ZNF354C: variants seen among roughly 807,000 people sequenced by gnomAD.
ZNF354C encodes the protein zinc finger protein 354C, also known as KRAB-zinc finger protein synten.
A neutral mutation model predicts 12.4 loss-of-function variants in ZNF354C; 7 were observed. The observed-to-expected ratio is 0.56, with a 90% CI of 0.32 to 1.06. The LOEUF (loss-of-function observed/expected upper bound fraction) is 1.06, where lower values mean the gene tolerates loss of function less well. Among genes scored for constraint, ZNF354C ranks in the 50% least tolerant of loss-of-function variants. The pLI, the probability that ZNF354C is intolerant of heterozygous loss-of-function variation, is 0.04. For synonymous variants in ZNF354C, 202 were observed against 224.5 expected (o/e 0.90, Z 0.90); for missense variants, 609 against 658.0 (o/e 0.93, Z 0.81).
At chr5:179,062,133 C>T in intron 2 of ZNF354C, 38 bp downstream of exon 2, 1 of 1,613,332 alleles carries the variant, frequency 6.2e-7, no homozygotes, top group Admixed American at 1.7e-5. Flanking sequence ...CATCAGTTGG[C>T]TTCTGGATTC....
chr5:179,072,241 G>C (rs1025817486), intron 2 of ZNF354C, among the ~76,000 whole-genome samples: 1 of 151,822 alleles, frequency 6.6e-6, no homozygotes, highest in Non-Finnish European at 1.5e-5. Flanking sequence ...TGTGAAAAAA[G>C]TAATTCTAGA....
chr5:179,064,650 G>A (rs1177629390), intron 2 of ZNF354C, among the ~76,000 whole-genome samples: 1 of 150,446 alleles, frequency 6.6e-6, no homozygotes. Context: ...TCCTGACCTC[G>A]TGATCCACCT....
chr5:179,077,908 C>T (rs1411329768), intron 4 of ZNF354C, among the ~76,000 whole-genome samples: 7 of 150,676 alleles, frequency 4.6e-5, no homozygotes, highest in African/African-American at 9.8e-5. Flanking sequence ...CAGGCTCAAG[C>T]GATCCTTTCA....
Position 179,080,881 on chromosome 5 carries a change from T to A in ZNF354C, c.*784T>A, listed in dbSNP as rs1762218662. ...AAAGACTGTCAAGCACATACTTTGTTATCTGTTGCAGAAGGGATGTATTTG... is the reference window on the plus strand; with the variant it reads ...AAAGACTGTCAAGCACATACTTTGTAATCTGTTGCAGAAGGGATGTATTTG... On this transcript the variant is annotated 3_prime_UTR_variant, in exon 5 of 5. Coordinates refer to ENST00000315475, the MANE Select transcript of ZNF354C (RefSeq NM_014594.3). The A allele has an allele frequency of 6.6e-6, 1 of 152,216 alleles. No individual in the cohort carries two copies. The allele number at this position is 152,216 out of a possible 1,614,324, so 9.4% of individuals were successfully genotyped here. A position where few individuals can be genotyped will look rare whatever the true frequency, so the allele number is the denominator to read the frequency against.
At chr5:179,070,841 C>CTTTTTTTT (rs766817856) in intron 2 of ZNF354C, among the ~76,000 whole-genome samples, 14 of 75,462 alleles carry the variant, frequency 1.9e-4, no homozygotes, top group African/African-American at 2.8e-4. Flanking sequence ...CTTGATCGCT[C>CTTTTTTTT]TTTTTTTTTT....
At chr5:179,078,446 T>C (rs1290121674) in intron 4 of ZNF354C, among the ~76,000 whole-genome samples, 3 of 152,210 alleles carry the variant, frequency 2.0e-5, no homozygotes, top group Non-Finnish European at 4.4e-5. Context: ...TATATCCAGG[T>C]GGAATCGCTT....
rs1395542742 is a variant in ZNF354C at position 179,082,120 on chromosome 5, T to TA, written c.*2027dup. The TA allele has an allele frequency of 6.6e-6, 1 of 152,382 alleles. No homozygotes were observed. Among genetic ancestry groups the TA allele is most frequent in the African/African-American group, 2.4e-5 (1 of 41,460 alleles). 9.4% of individuals were successfully genotyped at this position (152,382 alleles called of 1,614,324 possible). Reference sequence around the variant, plus strand: ...AATTAAATCTGGCAAAAATCGATGGTAAAACCCATTAAGTGGAAAAAATTT... The same window carrying TA: ...AATTAAATCTGGCAAAAATCGATGGTAAAAACCCATTAAGTGGAAAAAATTT... On this transcript the variant is annotated 3_prime_UTR_variant, in exon 5 of 5. Transcript: ENST00000315475.
chr5:179,061,270 T>C (rs1345585670), intron 1 of ZNF354C, among the ~76,000 whole-genome samples: 1 of 152,126 alleles, frequency 6.6e-6, no homozygotes, highest in African/African-American at 2.4e-5. Context: ...CCAGGCAGCC[T>C]CTTCCCTTGC....
At position 179,079,024 on chromosome 5, in the gene ZNF354C, A is replaced by G. The variant is rs1489049216; in HGVS notation, c.592A>G (p.Lys198Glu). The change falls in exon 5 of 5, where the codon AAA becomes GAA. Residue 198 changes from lysine (K) to glutamate (E), a missense_variant. Coordinates refer to ENST00000315475, the MANE Select transcript of ZNF354C (RefSeq NM_014594.3). This position sits in a 1 kb window ranked among gnomAD's most constrained non-coding sequence, Gnocchi z 4.2. ...GTATTATACATTTGGGAAAGATTTT[A>G]AACAGAATTTTGATCTCATGAAATG... Reference protein sequence around the residue: ...NMYYTFGKDFKQNFDLMKCFQ... With the variant: ...NMYYTFGKDFEQNFDLMKCFQ... The G allele has an allele frequency of 8.7e-6, 14 of 1,613,008 alleles. No homozygotes were observed. Among genetic ancestry groups the G allele is most frequent in the Non-Finnish European group, 1.0e-5 (12 of 1,179,798 alleles).
chr5:179,077,003 T>C lies in ZNF354C; in HGVS notation c.155-68T>C. On this transcript the variant is annotated intron_variant, in intron 3 of 4. Coordinates refer to ENST00000315475, the MANE Select transcript of ZNF354C (RefSeq NM_014594.3). ...CTTTGCTGTGTTGGTTCAGAGTGAG[T>C]AGTAGGTCAGTTCTAGGATTGGTCT... The C allele has an allele frequency of 3.0e-6, 4 of 1,353,970 alleles. No individual in the cohort carries two copies. The South Asian group carries it at 3.7e-5, about 12-fold the overall frequency. 83.9% of individuals were successfully genotyped at this position (1,353,970 alleles called of 1,614,324 possible). A position where few individuals can be genotyped will look rare whatever the true frequency, so the allele number is the denominator to read the frequency against.
rs1447085476 is a variant in ZNF354C at position 179,082,825 on chromosome 5, G to C, written c.*2728G>C. On this transcript the variant is annotated 3_prime_UTR_variant, in exon 5 of 5. Transcript: ENST00000315475. ...AAGCGACTGACCAACCGATCAGGTC[G>C]AGGAGCTGCAACAGCCTTGGGGCCC... The C allele has an allele frequency of 1.5e-6, 2 of 1,302,018 alleles. No homozygotes were observed. The highest frequency in any genetic ancestry group is 2.4e-5 in the South Asian group (2 of 84,606). 80.7% of individuals were successfully genotyped at this position (1,302,018 alleles called of 1,614,324 possible). A position where few individuals can be genotyped will look rare whatever the true frequency, so the allele number is the denominator to read the frequency against.
chr5:179,078,270 A>G (rs1554120452), intron 4 of ZNF354C, among the ~76,000 whole-genome samples: 1 of 152,248 alleles, frequency 6.6e-6, no homozygotes, highest in Non-Finnish European at 1.5e-5. Flanking sequence ...CATGTGAGTA[A>G]GAAGGAGAAG....
At chr5:179,061,915 C>A in intron 1 of ZNF354C, 100 bp from the exon 2 acceptor site, 1 of 829,566 alleles carries the variant, frequency 1.2e-6, no homozygotes, top group Non-Finnish European at 2.1e-6. Flanking sequence ...CGGGGGGTGG[C>A]TTTTTTGAGA....
At chr5:179,065,075 TA>T (rs1353898201) in intron 2 of ZNF354C, among the ~76,000 whole-genome samples, 1 of 152,212 alleles carries the variant, frequency 6.6e-6, no homozygotes, top group Non-Finnish European at 1.5e-5. Context: ...GAATAATCTT[TA>T]TTTTTTTTAC....
chr5:179,081,519 T>G lies in ZNF354C; in HGVS notation c.*1422T>G, dbSNP rs2113130168. On this transcript the variant is annotated 3_prime_UTR_variant, in exon 5 of 5. Transcript: ENST00000315475. Reference sequence around the variant, plus strand: ...AATTCTAATACAATTAGCTAGACCTTCTGAGAAAAATGTTAGAATTAAACT... The same window carrying G: ...AATTCTAATACAATTAGCTAGACCTGCTGAGAAAAATGTTAGAATTAAACT... 1 of 152,308 alleles carries G rather than the reference T, an allele frequency of 6.6e-6. No homozygotes were observed. Among genetic ancestry groups the G allele is most frequent in the African/African-American group, 2.4e-5 (1 of 41,560 alleles). 9.4% of individuals were successfully genotyped at this position (152,308 alleles called of 1,614,324 possible).
chr5:179,077,974 T>G (rs1166038511), intron 4 of ZNF354C, among the ~76,000 whole-genome samples: 2 of 152,002 alleles, frequency 1.3e-5, no homozygotes, highest in African/African-American at 4.8e-5. Context: ...CCTAGCTAAT[T>G]TTTTGTATTT....
At position 179,079,234 on chromosome 5, in the gene ZNF354C, G is replaced by A. The variant is rs776226116; in HGVS notation, c.802G>A (p.Gly268Arg). Residue 268 changes from glycine to arginine, a missense_variant, in exon 5 of 5, where the codon GGA becomes AGA. Coordinates refer to ENST00000315475, the MANE Select transcript of ZNF354C (RefSeq NM_014594.3). This position sits in a 1 kb window ranked among gnomAD's most constrained non-coding sequence, Gnocchi z 4.2. ...TCTTTCTCATCAGAGAATTCATACT[G>A]GAGAGAAACCTTACAAGTGTAATGA... The part of the protein sequence containing the change: ...SLLSHQRIHT[G>R]EKPYKCNECE... 2 of 1,614,054 alleles carry A rather than the reference G, an allele frequency of 1.2e-6. No individual in the cohort carries two copies. The highest frequency in any genetic ancestry group is 1.7e-6 in the Non-Finnish European group (2 of 1,179,986).
chr5:179,062,957 C>T (rs867273799), intron 2 of ZNF354C, among the ~76,000 whole-genome samples: 1 of 152,160 alleles, frequency 6.6e-6, no homozygotes, highest in Non-Finnish European at 1.5e-5. Context: ...CAGGCCTGAC[C>T]TTTTTCCTAG....
intron 2 of ZNF354C, among the ~76,000 whole-genome samples, chr5:179,066,309 C>T (rs548721727): frequency 3.8e-4 from 58 of 152,370 alleles, no homozygotes; most frequent in African/African-American, 1.3e-3. Flanking sequence ...TTCCTTACGG[C>T]ATTGCTGCCA....
Sources: gnomAD v4.1 joint callset for allele counts (sites outside exome capture counted in the v4.1 genomes callset) on GRCh38, gnomAD v4.1.1 for gene constraint, Gnocchi (gnomAD v3.1) non-coding constraint, MANE v1.5 for transcripts, NCBI Gene and HGNC (gene_info 2026-07-23, HGNC 2026-07-21) for gene names.